ASXL3: variants seen among roughly 807,000 people sequenced by gnomAD.
The protein encoded by ASXL3 is ASXL transcriptional regulator 3.
Under a neutral mutation model 170.6 loss-of-function variants are expected in ASXL3, and 34 were observed. The observed-to-expected ratio is 0.20, with a 90% CI of 0.15 to 0.27. The LOEUF (loss-of-function observed/expected upper bound fraction) is 0.27. Ranked by LOEUF, ASXL3 falls within the 10% of genes least tolerant of loss-of-function variation. The pLI, the probability that ASXL3 is intolerant of heterozygous loss-of-function variation, is 1.00. For synonymous variants in ASXL3, 1,002 were observed against 989.1 expected (o/e 1.01, Z -0.24); for missense variants, 2,592 against 2,695.3 (o/e 0.96, Z 0.85).
chr18:33,670,636 A>G lies in ASXL3; in HGVS notation c.478-37A>G, dbSNP rs768209903. 26 of 1,423,056 alleles carry G rather than the reference A, an allele frequency of 1.8e-5. No individual in the cohort carries two copies. In the South Asian group the frequency reaches 3.0e-4, roughly 17 times the overall value. 88.2% of individuals were successfully genotyped at this position (1,423,056 alleles called of 1,614,324 possible). On this transcript the variant is annotated intron_variant, in intron 5 of 11. Coordinates refer to ENST00000269197, the MANE Select transcript of ASXL3 (RefSeq NM_030632.3). ...TCAATTATGAGAAATTATTTTGGCT[A>G]TATTTTTATGTTATATCTTTTTATT...
chr18:33,611,349 G>A lies in ASXL3; in HGVS notation c.137+3673G>A, dbSNP rs748365281. 5.3e-4 allele frequency among the ~76,000 whole-genome samples: 80 copies of A among 152,032 alleles called. 1 individual carries two copies. The highest frequency in any genetic ancestry group is 2.5e-3 in the South Asian group (12 of 4,818). ...TAATAGAATGATTTTTTAAGATCTG[G>A]TTTTCTTTCTTATGAAAATATTCTT... On this transcript the variant is annotated intron_variant, in intron 2 of 11. Transcript: ENST00000269197.
chr18:33,713,426 T>G (rs550747213), intron 8 of ASXL3, among the ~76,000 whole-genome samples: 1 of 150,878 alleles, frequency 6.6e-6, no homozygotes, highest in Non-Finnish European at 1.5e-5. Flanking sequence ...CCTGGCTAAT[T>G]TTGTGTATTC....
chr18:33,645,285 T>A (rs1402928103), intron 3 of ASXL3, among the ~76,000 whole-genome samples: 1 of 151,950 alleles, frequency 6.6e-6, no homozygotes, highest in Non-Finnish European at 1.5e-5. Context: ...GTGTCATGGG[T>A]CATTGGCCAG....
chr18:33,597,998 C>G (rs915701179), intron 1 of ASXL3, among the ~76,000 whole-genome samples: 1 of 152,058 alleles, frequency 6.6e-6, no homozygotes, highest in African/African-American at 2.4e-5. Context: ...ACTTTAGGGT[C>G]TTGACTGATT....
intron 2 of ASXL3, among the ~76,000 whole-genome samples, chr18:33,611,970 A>G (rs993778264): frequency 1.3e-5 from 2 of 152,046 alleles, no homozygotes; most frequent in Non-Finnish European, 2.9e-5. Flanking sequence ...ATAGTAACAT[A>G]TCCAGGGGCT....
chr18:33,638,339 G>C (rs779780723), intron 2 of ASXL3, among the ~76,000 whole-genome samples: 1 of 151,840 alleles, frequency 6.6e-6, no homozygotes, highest in African/African-American at 2.4e-5. Flanking sequence ...TTGGGATTAC[G>C]GGCATCAGCC....
chr18:33,731,332 C>T (rs2067439853), intron 8 of ASXL3, among the ~76,000 whole-genome samples: 1 of 152,136 alleles, frequency 6.6e-6, no homozygotes, highest in Non-Finnish European at 1.5e-5. Context: ...GTTGGGGTTA[C>T]AGTTTGCCAG....
At chr18:33,622,552 A>G (rs1335407304) in intron 2 of ASXL3, among the ~76,000 whole-genome samples, 3 of 152,164 alleles carry the variant, frequency 2.0e-5, no homozygotes, top group Admixed American at 2.0e-4. Context: ...ATAATCAAAT[A>G]GAAGTTCACT....
At chr18:33,594,347 G>A (rs765398475) in intron 1 of ASXL3, among the ~76,000 whole-genome samples, 40 of 152,084 alleles carry the variant, frequency 2.6e-4, no homozygotes, top group Non-Finnish European at 4.9e-4. Flanking sequence ...ATTTTTCTTC[G>A]TTCTGTCATC....
intron 10 of ASXL3, among the ~76,000 whole-genome samples, chr18:33,737,844 A>C (rs1355567404): frequency 6.6e-6 from 1 of 152,154 alleles, no homozygotes; most frequent in Non-Finnish European, 1.5e-5. Context: ...AATTTCATTC[A>C]TCTTCCGTTC....
At chr18:33,662,660 TC>T (rs1372303363) in intron 5 of ASXL3, among the ~76,000 whole-genome samples, 2 of 152,162 alleles carry the variant, frequency 1.3e-5, no homozygotes, top group East Asian at 3.9e-4. Context: ...ATTCATAGTT[TC>T]CCCTTGTTTA....
Position 33,743,627 on chromosome 18 carries a change from A to C in ASXL3, c.3779A>C (p.Lys1260Thr). Residue 1260 changes from lysine to threonine, a missense_variant, in exon 12 of 12, where the codon AAA (lysine) becomes ACA (threonine). Physicochemically the swap from Lys to Thr is moderately conservative, Grantham distance 78. This residue lies in a region of ASXL3 where 2,246 missense variants were observed against 2,219.6 expected (regional missense o/e 1.01). Transcript: ENST00000269197. ...KEHPFVSSVD[K>T]SSVLMSVDSA... ...CATCCCTTTGTGAGTTCTGTTGATA[A>C]ATCCTCTGTCCTAATGTCTGTTGAC... The C allele has an allele frequency of 6.2e-7, 1 of 1,613,596 alleles. No homozygotes were observed. Among genetic ancestry groups the C allele is most frequent in the Non-Finnish European group, 8.5e-7 (1 of 1,179,854 alleles).
chr18:33,633,321 T>G (rs1366608571), intron 2 of ASXL3, among the ~76,000 whole-genome samples: 2 of 152,166 alleles, frequency 1.3e-5, no homozygotes, highest in African/African-American at 4.8e-5. Context: ...ATGGATGAAA[T>G]TAAATGCAAA....
chr18:33,594,702 A>G (rs1477718650), intron 1 of ASXL3, among the ~76,000 whole-genome samples: 1 of 152,158 alleles, frequency 6.6e-6, no homozygotes, highest in Non-Finnish European at 1.5e-5. Flanking sequence ...ATCAAGAAGC[A>G]TGTAGAAATA....
chr18:33,640,241 T>C (rs1599431261), intron 2 of ASXL3, among the ~76,000 whole-genome samples: 1 of 152,156 alleles, frequency 6.6e-6, no homozygotes, highest in Middle Eastern at 3.4e-3. Flanking sequence ...AGCTAACTTA[T>C]ATAACTATAT....
intron 8 of ASXL3, among the ~76,000 whole-genome samples, chr18:33,713,497 C>T (rs1568343858): frequency 6.6e-6 from 1 of 151,874 alleles, no homozygotes; most frequent in Non-Finnish European, 1.5e-5. Flanking sequence ...AAGTGGTCCA[C>T]CCCCACCTCA....
chr18:33,701,672 G>A (rs1373799731), intron 8 of ASXL3, among the ~76,000 whole-genome samples: 1 of 151,726 alleles, frequency 6.6e-6, no homozygotes, highest in Non-Finnish European at 1.5e-5. Context: ...TTTATCCTTG[G>A]CTTTCAGCAT....
chr18:33,650,582 A>G (rs754394253), intron 4 of ASXL3, among the ~76,000 whole-genome samples: 7 of 152,250 alleles, frequency 4.6e-5, no homozygotes, highest in Admixed American at 3.3e-4. Context: ...AGTAGCTGAG[A>G]AAGGGTGACA....
At chr18:33,615,557 G>T (rs1390935432) in intron 2 of ASXL3, among the ~76,000 whole-genome samples, 2 of 152,152 alleles carry the variant, frequency 1.3e-5, no homozygotes, top group Non-Finnish European at 2.9e-5. Context: ...CAATAGACTT[G>T]CTTGATGCAG....
Sources: gnomAD v4.1 joint callset for allele counts (sites outside exome capture counted in the v4.1 genomes callset) on GRCh38, gnomAD v4.1.1 for gene constraint, gnomAD v4.1.1 regional missense constraint, MANE v1.5 for transcripts, NCBI Gene and HGNC (gene_info 2026-07-23, HGNC 2026-07-21) for gene names.